FBXW4: variants seen among roughly 807,000 people sequenced by gnomAD.
The protein encoded by FBXW4 is F-box/WD repeat-containing protein 4.
In FBXW4, 40 loss-of-function variants were observed where a neutral mutation model predicts 61.8. The observed-to-expected ratio is 0.65, with a 90% CI of 0.50 to 0.84. The LOEUF is 0.84. FBXW4 is among the 40% of genes least tolerant of loss of function. FBXW4 has a pLI of 0.00. For synonymous variants in FBXW4, 311 were observed against 313.8 expected, an observed-to-expected ratio of 0.99 and a Z score of 0.10; for missense variants, 672 against 753.8, an observed-to-expected ratio of 0.89 and a Z score of 1.27.
At chr10:101,686,890 T>C (rs1055742972) in intron 1 of FBXW4, among the ~76,000 whole-genome samples, 2 of 152,116 alleles carry the variant, frequency 1.3e-5, no homozygotes, top group African/African-American at 4.8e-5. Flanking sequence ...AACTCACTTC[T>C]GGAGGGGACA....
chr10:101,667,940 T>C lies in FBXW4; in HGVS notation c.1181A>G (p.His394Arg), dbSNP rs151048089. The C allele has an allele frequency of 9.9e-6, 16 of 1,614,164 alleles. No individual in the cohort carries two copies. The highest frequency in any genetic ancestry group is 1.3e-5 in the African/African-American group (1 of 75,048). Residue 394 changes from histidine to arginine, a missense_variant, in exon 5 of 9, where the codon CAC (histidine) becomes CGC (arginine). Around this residue, in one of 5 missense-constraint regions of FBXW4, gnomAD observed 312 missense variants for 370.1 expected, o/e 0.84. Coordinates refer to ENST00000331272, the MANE Select transcript of FBXW4 (RefSeq NM_022039.4). ...LASGRLGQCL[H>R]TIQTEDRVWS... ...GACTCGGTCTTCAGTCTGGATGGTG[T>C]GTAAGCACTGCCCCAGCCGGCCTGA...
At chr10:101,650,922 T>C (rs1285658596) in intron 5 of FBXW4, among the ~76,000 whole-genome samples, 3 of 152,146 alleles carry the variant, frequency 2.0e-5, no homozygotes, top group Non-Finnish European at 4.4e-5. Context: ...TGGTCTCCCA[T>C]GTTAGCTCCA....
At chr10:101,664,300 T>C (rs1455014720) in intron 5 of FBXW4, among the ~76,000 whole-genome samples, 2 of 152,102 alleles carry the variant, frequency 1.3e-5, no homozygotes, top group African/African-American at 4.8e-5. Flanking sequence ...GACAAATTAT[T>C]TTAAATAGAA....
At chr10:101,667,383 T>C (rs558154717) in intron 5 of FBXW4, among the ~76,000 whole-genome samples, 3 of 152,346 alleles carry the variant, frequency 2.0e-5, no homozygotes, top group East Asian at 3.9e-4. Context: ...CTACTTCACA[T>C]ACATGTCTTT....
intron 5 of FBXW4, among the ~76,000 whole-genome samples, chr10:101,635,415 A>G (rs1040672392): frequency 1.3e-5 from 2 of 151,066 alleles, no homozygotes; most frequent in African/African-American, 4.9e-5. Flanking sequence ...ACCCTGACTC[A>G]CCCCCCTCCC....
intron 1 of FBXW4, among the ~76,000 whole-genome samples, chr10:101,683,726 CA>C (rs1304353354): frequency 6.6e-6 from 1 of 152,142 alleles, no homozygotes; most frequent in Non-Finnish European, 1.5e-5. Context: ...TCCTGGAACA[CA>C]GATCAATTTC....
At chr10:101,661,630 C>A (rs1313959058) in intron 5 of FBXW4, among the ~76,000 whole-genome samples, 1 of 152,178 alleles carries the variant, frequency 6.6e-6, no homozygotes, top group African/African-American at 2.4e-5. Flanking sequence ...CATGCCAGCC[C>A]TGGGCCCTCC....
At chr10:101,628,879 A>G (rs1227078587) in intron 5 of FBXW4, among the ~76,000 whole-genome samples, 5 of 152,164 alleles carry the variant, frequency 3.3e-5, no homozygotes, top group Admixed American at 6.5e-5. Flanking sequence ...AGCCTTCTAT[A>G]ATTTCTCACC....
chr10:101,629,542 G>A (rs930354945), intron 5 of FBXW4, among the ~76,000 whole-genome samples: 2 of 151,886 alleles, frequency 1.3e-5, no homozygotes, highest in African/African-American at 2.4e-5. Context: ...CCTTGGCCTC[G>A]CAAAGTTCTG....
At position 101,655,651 on chromosome 10, in the gene FBXW4, C is replaced by T. The variant is rs201437404; in HGVS notation, c.1235+12235G>A. On this transcript the variant is annotated intron_variant, in intron 5 of 8. Coordinates refer to ENST00000331272, the MANE Select transcript of FBXW4 (RefSeq NM_022039.4). ...AGGAAAGACCCAGGTTTCTCTAGGA[C>T]AGCTAAAGCTGCAGCTGCAACAAGG... is the stretch of plus-strand genomic sequence containing the variant. Among the ~76,000 whole-genome samples the T allele has an allele frequency of 2.6e-5, 4 of 152,230 alleles. No homozygotes were observed. In the East Asian group the frequency reaches 7.7e-4, roughly 29 times the overall value.
intron 5 of FBXW4, among the ~76,000 whole-genome samples, chr10:101,654,007 G>T (rs555622344): frequency 2.0e-4 from 31 of 151,492 alleles, no homozygotes; most frequent in African/African-American, 7.5e-4. Flanking sequence ...TGTAATCCCA[G>T]CTACTTGGGA....
rs905683076 is a variant in FBXW4, at chr10:101,659,955, G to A, written c.1235+7931C>T. The A allele has an allele frequency of 1.5e-5, 5 of 333,272 alleles. No homozygotes were observed. The Admixed American group carries it at 2.6e-4, about 17-fold the overall frequency. The allele number at this position is 333,272 out of a possible 1,614,324, so 20.6% of individuals were successfully genotyped here. On this transcript the variant is annotated intron_variant, in intron 5 of 8. Coordinates refer to ENST00000331272, the MANE Select transcript of FBXW4 (RefSeq NM_022039.4). ...AAAATATAATAATAATAATCAAAAG[G>A]AGGAAGATAAGCATGGAAATCTGTA...
intron 5 of FBXW4, among the ~76,000 whole-genome samples, chr10:101,663,020 G>T (rs1324154666): frequency 1.3e-5 from 2 of 152,268 alleles, no homozygotes; most frequent in East Asian, 3.9e-4. Context: ...CCAAGATGCT[G>T]GTGAATAAGG....
At chr10:101,680,973 C>T (rs1158239028) in intron 1 of FBXW4, among the ~76,000 whole-genome samples, 7 of 152,134 alleles carry the variant, frequency 4.6e-5, no homozygotes, top group South Asian at 2.1e-4. Context: ...CTAGAAATGA[C>T]AAATGTGAGG....
intron 1 of FBXW4, among the ~76,000 whole-genome samples, chr10:101,693,358 TTATC>T (rs997076137): frequency 1.3e-5 from 2 of 152,224 alleles, no homozygotes; most frequent in Admixed American, 6.5e-5. Flanking sequence ...TATTTCATTA[TTATC>T]TATAATAACA....
Position 101,611,237 on chromosome 10 carries a change from G to T in FBXW4, c.*54C>A. On this transcript the variant is annotated 3_prime_UTR_variant, in exon 9 of 9. Coordinates refer to ENST00000331272, the MANE Select transcript of FBXW4 (RefSeq NM_022039.4). The surrounding 1 kb of genome is among the most constrained non-coding windows in gnomAD (Gnocchi z 4.9). ...CTATCACTGCACCCTCCAGGCAAGA[G>T]AAGTCCCTGAGTAGCTGGTTTCCCT... 1.3e-6 allele frequency: 2 copies of T among 1,592,218 alleles called. No individual in the cohort carries two copies. The highest frequency in any genetic ancestry group is 1.7e-6 in the Non-Finnish European group (2 of 1,169,960).
At chr10:101,668,060 G>T in intron 4 of FBXW4, 80 bp from the exon 5 acceptor site, 1 of 1,074,700 alleles carries the variant, frequency 9.3e-7, no homozygotes, top group Non-Finnish European at 1.4e-6. Context: ...AGAGGTGACT[G>T]TTGGAGGTGG....
intron 1 of FBXW4, among the ~76,000 whole-genome samples, chr10:101,691,836 CAAG>C (rs1431036528): frequency 2.6e-5 from 4 of 152,050 alleles, no homozygotes; most frequent in African/African-American, 7.2e-5. Flanking sequence ...ACTGCATGCC[CAAG>C]AAGTCCCAAG....
chr10:101,647,275 C>T (rs534940449), intron 5 of FBXW4, among the ~76,000 whole-genome samples: 22 of 152,360 alleles, frequency 1.4e-4, no homozygotes, highest in African/African-American at 5.1e-4. Flanking sequence ...GTTCTGCCCC[C>T]ATCAGCTCTT....
Sources: gnomAD v4.1 joint callset for allele counts (sites outside exome capture counted in the v4.1 genomes callset) on GRCh38, gnomAD v4.1.1 for gene constraint, gnomAD v4.1.1 regional missense constraint, Gnocchi (gnomAD v3.1) non-coding constraint, MANE v1.5 for transcripts, NCBI Gene and HGNC (gene_info 2026-07-23, HGNC 2026-07-21) for gene names.